The following PCDHGB1 variants were observed in gnomAD, a reference collection of about 807,000 sequenced individuals.
PCDHGB1 encodes protocadherin gamma-B1.
PCDHGB1 carries 34 observed loss-of-function variants against 56.6 expected under a neutral mutation model. The observed-to-expected ratio is 0.60, with a 90% CI of 0.46 to 0.80. The LOEUF is 0.80. PCDHGB1 is among the 30% of genes least tolerant of loss of function. The probability of loss-of-function intolerance (pLI) is 0.00; values close to 1 mark genes in which losing one functional copy is unlikely to be tolerated. For missense variants in PCDHGB1, 1,278 were observed against 1,204.6 expected, an observed-to-expected ratio of 1.06 and a Z score of -0.90; for synonymous variants, 561 against 505.9, an observed-to-expected ratio of 1.11 and a Z score of -1.46.
chr5:141,405,333 CTGTT>C (rs1203111813), intron 1 of PCDHGB1: 18 of 1,614,204 alleles, frequency 1.1e-5, no homozygotes, highest in Non-Finnish European at 1.4e-5. Flanking sequence ...TTGTGCGTCT[CTGTT>C]GATTCCAAGT....
intron 1 of PCDHGB1, chr5:141,364,262 C>T (rs899975548): frequency 1.3e-6 from 2 of 1,504,074 alleles, no homozygotes; most frequent in African/African-American, 1.4e-5. Context: ...ATGTACCCAT[C>T]GGCTTTAGAT....
chr5:141,503,075 G>A (rs1373753092), intron 2 of PCDHGB1, among the ~76,000 whole-genome samples: 1 of 151,438 alleles, frequency 6.6e-6, no homozygotes, highest in African/African-American at 2.4e-5. Context: ...GAATGGTCTC[G>A]ATCTCCTGAC....
chr5:141,475,572 C>T (rs2099365596), intron 1 of PCDHGB1, among the ~76,000 whole-genome samples: 1 of 152,214 alleles, frequency 6.6e-6, no homozygotes, highest in South Asian at 2.1e-4. Context: ...TTCCAACAAG[C>T]CAGATTTGTT....
In PCDHGB1 at chr5:141,432,518, C is replaced by T. The variant is rs1314948517; in HGVS notation, c.2410-62289C>T. 6.2e-7 allele frequency: 1 copy of T among 1,614,126 alleles called. No homozygotes were observed. The highest frequency in any genetic ancestry group is 8.5e-7 in the Non-Finnish European group (1 of 1,180,024). On this transcript the variant is annotated intron_variant, in intron 1 of 3. Coordinates refer to ENST00000523390, the MANE Select transcript of PCDHGB1 (RefSeq NM_018922.3). This position sits in a 1 kb window ranked among gnomAD's most constrained non-coding sequence, Gnocchi z 6.0. The stretch of plus-strand genomic sequence containing the variant: ...TCCCCGCTCCGCAGAGCCCGGCTAC[C>T]TGGTGACCAAGGTGGTGGCGGTGGA...
Position 141,476,129 on chromosome 5 carries a change from G to A in PCDHGB1, c.2410-18678G>A. ...GCTTTTGAGTGAGATGGTCCCAGAG[G>A]CCTGGAGGAGCGGACTGGTAAGCAC... On this transcript the variant is annotated intron_variant, in intron 1 of 3. Transcript: ENST00000523390. This position sits in a 1 kb window ranked among gnomAD's most constrained non-coding sequence, Gnocchi z 7.6. The A allele has an allele frequency of 6.2e-7, 1 of 1,606,848 alleles. No homozygotes were observed. The highest frequency in any genetic ancestry group is 8.5e-7 in the Non-Finnish European group (1 of 1,177,814).
chr5:141,459,076 C>T (rs1474375780), intron 1 of PCDHGB1, among the ~76,000 whole-genome samples: 1 of 152,144 alleles, frequency 6.6e-6, no homozygotes, highest in Non-Finnish European at 1.5e-5. Context: ...ATAAAATTTG[C>T]CTTTTAAAAT....
rs1271916110 is a variant in PCDHGB1, at chr5:141,394,787, C to T, written c.2409+42118C>T. 11 of 1,613,632 alleles carry T rather than the reference C, an allele frequency of 6.8e-6. 1 individual carries two copies. The highest frequency in any genetic ancestry group is 9.3e-6 in the Non-Finnish European group (11 of 1,180,016). On this transcript the variant is annotated intron_variant, in intron 1 of 3. Transcript: ENST00000523390. ...GCCAGCCCCCTCTCTCCGCCACTGT[C>T]ACGCTCACCGTAGCCGTGGCTGACA... is the stretch of plus-strand genomic sequence containing the variant.
At chr5:141,371,952 T>C (rs1377821829) in intron 1 of PCDHGB1, 1 of 1,613,142 alleles carries the variant, frequency 6.2e-7, no homozygotes, top group African/African-American at 1.3e-5. Flanking sequence ...GCAGCGAGCC[T>C]TCGACCACGA....
At chr5:141,414,338 G>C in intron 1 of PCDHGB1, 1 of 1,613,832 alleles carries the variant, frequency 6.2e-7, no homozygotes, top group Non-Finnish European at 8.5e-7. Context: ...CAGGTAACCT[G>C]TTCCATTTTG....
chr5:141,511,391 C>G lies in PCDHGB1; in HGVS notation c.*218C>G. ...TGCAAAAGCAGTTCCGCTGGGAACC[C>G]CCATCCAATCAACTGCTGTACCCAT... is the stretch of plus-strand genomic sequence containing the variant. On this transcript the variant is annotated 3_prime_UTR_variant, in exon 4 of 4. Coordinates refer to ENST00000523390, the MANE Select transcript of PCDHGB1 (RefSeq NM_018922.3). 2.8e-6 allele frequency: 3 copies of G among 1,079,748 alleles called. No homozygotes were observed. The highest frequency in any genetic ancestry group is 3.3e-5 in the South Asian group (2 of 60,136). The allele number at this position is 1,079,748 out of a possible 1,614,324, so 66.9% of individuals were successfully genotyped here. A position where few individuals can be genotyped will look rare whatever the true frequency, so the allele number is the denominator to read the frequency against.
At chr5:141,426,015 T>G (rs1168777347) in intron 1 of PCDHGB1, among the ~76,000 whole-genome samples, 3 of 152,200 alleles carry the variant, frequency 2.0e-5, no homozygotes, top group African/African-American at 7.2e-5. Flanking sequence ...GGCTGCAGTT[T>G]TCTAAATAGA....
chr5:141,406,079 T>C (rs570702423), intron 1 of PCDHGB1, among the ~76,000 whole-genome samples: 2 of 151,808 alleles, frequency 1.3e-5, no homozygotes, highest in South Asian at 2.1e-4. Context: ...CTCCTTTTTT[T>C]TTTTTTTTAA....
chr5:141,426,363 C>T (rs994657779), intron 1 of PCDHGB1: 12 of 202,404 alleles, frequency 5.9e-5, no homozygotes, highest in East Asian at 4.4e-4. Context: ...CTTTGTTCTG[C>T]GGGGCACCCT....
chr5:141,361,159 G>A (rs776154088), intron 1 of PCDHGB1: 55 of 1,613,798 alleles, frequency 3.4e-5, no homozygotes, highest in Non-Finnish European at 3.1e-5. Context: ...TGATGACAAC[G>A]ATTGTGCACC....
intron 1 of PCDHGB1, among the ~76,000 whole-genome samples, chr5:141,455,315 T>G (rs1416163436): frequency 6.6e-6 from 1 of 152,152 alleles, no homozygotes; most frequent in Non-Finnish European, 1.5e-5. Context: ...TTAGCAATTT[T>G]GTGTGTGTGT....
intron 1 of PCDHGB1, chr5:141,475,986 G>T: frequency 2.8e-6 from 3 of 1,089,866 alleles, no homozygotes; most frequent in Non-Finnish European, 3.9e-6. Context: ...CAGCCGGCGA[G>T]CAAATCAACG....
intron 1 of PCDHGB1, among the ~76,000 whole-genome samples, chr5:141,401,018 G>C (rs2094104038): frequency 6.6e-6 from 1 of 152,108 alleles, no homozygotes; most frequent in Admixed American, 6.5e-5. Flanking sequence ...ATGGATTTAT[G>C]ATTTTTTGAA....
intron 1 of PCDHGB1, chr5:141,370,117 T>A (rs1370014125): frequency 5.2e-6 from 2 of 381,566 alleles, no homozygotes; most frequent in Admixed American, 4.1e-5. Flanking sequence ...CCTAACTAGC[T>A]CCTTATTTGG....
intron 1 of PCDHGB1, chr5:141,360,369 C>A (rs371508602): frequency 1.9e-6 from 3 of 1,613,726 alleles, no homozygotes; most frequent in Non-Finnish European, 2.5e-6. Context: ...TCACAGTAAA[C>A]CCAGAAAGCG....
Sources: gnomAD v4.1 joint callset for allele counts (sites outside exome capture counted in the v4.1 genomes callset) on GRCh38, gnomAD v4.1.1 for gene constraint, Gnocchi (gnomAD v3.1) non-coding constraint, MANE v1.5 for transcripts, NCBI Gene and HGNC (gene_info 2026-07-23, HGNC 2026-07-21) for gene names.